Variants in PPP3CA observed in about 807,000 individuals in gnomAD.
PPP3CA encodes the protein CAM-PRP catalytic subunit.
PPP3CA carries 14 observed loss-of-function variants against 66.5 expected under a neutral mutation model. The ratio of observed to expected loss-of-function variants is 0.21; its 90% CI spans 0.14 to 0.33. The LOEUF (loss-of-function observed/expected upper bound fraction) is 0.33, where lower values mean the gene tolerates loss of function less well. PPP3CA is among the 10% of genes least tolerant of loss of function. The pLI, the probability that PPP3CA is intolerant of heterozygous loss-of-function variation, is 1.00. For synonymous variants in PPP3CA, 232 were observed against 226.2 expected, an observed-to-expected ratio of 1.03 and a Z score of -0.23; for missense variants, 317 against 639.5, an observed-to-expected ratio of 0.50 and a Z score of 5.44.
At chr4:101,152,302 T>G (rs1405342373) in intron 2 of PPP3CA, among the ~76,000 whole-genome samples, 1 of 152,200 alleles carries the variant, frequency 6.6e-6, no homozygotes, top group Non-Finnish European at 1.5e-5. Context: ...CATAAATCCT[T>G]ATGAAACTTG....
At chr4:101,057,588 C>CACACTA (rs1023819273) in intron 10 of PPP3CA, among the ~76,000 whole-genome samples, 1 of 152,050 alleles carries the variant, frequency 6.6e-6, no homozygotes, top group Non-Finnish European at 1.5e-5. Context: ...CAGACAATAC[C>CACACTA]ACACTAATGC....
At chr4:101,032,617 A>C (rs1727026174) in intron 11 of PPP3CA, among the ~76,000 whole-genome samples, 1 of 151,326 alleles carries the variant, frequency 6.6e-6, no homozygotes, top group Non-Finnish European at 1.5e-5. Flanking sequence ...TGAGTATCGA[A>C]GCTAGATAGA....
At chr4:101,192,159 A>C (rs946740264) in intron 2 of PPP3CA, among the ~76,000 whole-genome samples, 5 of 152,232 alleles carry the variant, frequency 3.3e-5, no homozygotes. Context: ...GTTTTCAAGA[A>C]GACTTTAAGA....
At chr4:101,120,018 T>G (rs1721975437) in intron 2 of PPP3CA, among the ~76,000 whole-genome samples, 1 of 152,138 alleles carries the variant, frequency 6.6e-6, no homozygotes, top group South Asian at 2.1e-4. Flanking sequence ...CAGACATATT[T>G]GAAAAGGTTC....
rs551376950 is a variant in PPP3CA at position 101,227,674 on chromosome 4, T to C, written c.59-31558A>G. On this transcript the variant is annotated intron_variant, in intron 1 of 13. Transcript: ENST00000394854. ...ACAGATTATGTCGTCATCCAGGTAATAAGCACAGTACCCAATAGGTAGTTT... is the reference window on the plus strand; with the variant it reads ...ACAGATTATGTCGTCATCCAGGTAACAAGCACAGTACCCAATAGGTAGTTT... Among the ~76,000 whole-genome samples, 167 of 151,738 alleles carry C rather than the reference T, an allele frequency of 1.1e-3. 3 individuals are homozygous for C. Among genetic ancestry groups the C allele is most frequent in the South Asian group, 2.3e-3 (11 of 4,820 alleles).
At position 101,203,529 on chromosome 4, in the gene PPP3CA, A is replaced by C. The variant is rs112667562; in HGVS notation, c.59-7413T>G. ...AACAAACAAACAAAATTATTCTTCA[A>C]CTATAAGGTATTAATAATTAATTAG... On this transcript the variant is annotated intron_variant, in intron 1 of 13. Coordinates refer to ENST00000394854, the MANE Select transcript of PPP3CA (RefSeq NM_000944.5). Among the ~76,000 whole-genome samples the C allele has an allele frequency of 3.5e-3, 539 of 152,210 alleles. 5 individuals are homozygous for C. Among genetic ancestry groups the C allele is most frequent in the African/African-American group, 0.012 (516 of 41,528 alleles).
At chr4:101,075,106 C>T (rs142633776) in intron 8 of PPP3CA, among the ~76,000 whole-genome samples, 12 of 152,278 alleles carry the variant, frequency 7.9e-5, no homozygotes, top group Non-Finnish European at 1.6e-4. Flanking sequence ...ATGGGGGAAA[C>T]CACTTCCATG....
intron 1 of PPP3CA, among the ~76,000 whole-genome samples, chr4:101,227,963 G>A (rs1725836586): frequency 6.6e-6 from 1 of 151,446 alleles, no homozygotes; most frequent in Non-Finnish European, 1.5e-5. Context: ...TCTTTATTCA[G>A]TCTACCAGTG....
At chr4:101,210,586 T>TG in intron 1 of PPP3CA, among the ~76,000 whole-genome samples, 1 of 152,160 alleles carries the variant, frequency 6.6e-6, no homozygotes, top group Non-Finnish European at 1.5e-5. Flanking sequence ...TTTACCTCCT[T>TG]GGCCACACAT....
intron 8 of PPP3CA, among the ~76,000 whole-genome samples, chr4:101,076,407 T>G (rs1186635136): frequency 1.3e-5 from 2 of 151,984 alleles, no homozygotes; most frequent in African/African-American, 4.8e-5. Context: ...AAGCCTCATG[T>G]GTCAAACTAA....
intron 3 of PPP3CA, among the ~76,000 whole-genome samples, chr4:101,099,941 C>G (rs1053742860): frequency 1.3e-5 from 2 of 151,664 alleles, no homozygotes; most frequent in Non-Finnish European, 2.9e-5. Context: ...CATACACGCA[C>G]TGAGGATCAT....
At chr4:101,279,188 C>CCA (rs138151648) in intron 1 of PPP3CA, among the ~76,000 whole-genome samples, 3,598 of 151,408 alleles carry the variant, frequency 0.024, 162 homozygotes, top group African/African-American at 0.081. Flanking sequence ...AAAAGGGTAG[C>CCA]CACACACACA....
At chr4:101,081,704 T>C (rs563615676) in intron 7 of PPP3CA, among the ~76,000 whole-genome samples, 2 of 152,338 alleles carry the variant, frequency 1.3e-5, no homozygotes, top group East Asian at 3.9e-4. Context: ...AACAGCCACC[T>C]TAACATTTAT....
chr4:101,287,761 CCT>C (rs948551518), intron 1 of PPP3CA, among the ~76,000 whole-genome samples: 10 of 130,148 alleles, frequency 7.7e-5, no homozygotes, highest in African/African-American at 2.2e-4. Flanking sequence ...GTTCTATTAA[CCT>C]CTCTTTTTTT....
chr4:101,256,213 G>T (rs1466385584), intron 1 of PPP3CA, among the ~76,000 whole-genome samples: 3 of 66,654 alleles, frequency 4.5e-5, no homozygotes, highest in African/African-American at 2.4e-4. Flanking sequence ...ATATTAGTTT[G>T]CTCTCTGAAT....
chr4:101,308,752 C>T (rs1158158578), intron 1 of PPP3CA, among the ~76,000 whole-genome samples: 2 of 152,212 alleles, frequency 1.3e-5, no homozygotes, highest in East Asian at 3.9e-4. Context: ...AAAGTGTTAG[C>T]CAAAATTCAT....
chr4:101,039,050 A>C, intron 11 of PPP3CA, among the ~76,000 whole-genome samples: 1 of 106,426 alleles, frequency 9.4e-6, no homozygotes, highest in Admixed American at 9.1e-5. Flanking sequence ...CACAATAAAT[A>C]AACAAGTGTT....
chr4:101,029,364 A>AAAAAAAAAAAAAAAAAAC (rs1726827485), intron 12 of PPP3CA, among the ~76,000 whole-genome samples, 169 bp from the exon 13 acceptor site: 1 of 104,274 alleles, frequency 9.6e-6, no homozygotes, highest in Non-Finnish European at 2.3e-5. Context: ...AAAAAAAAAA[A>AAAAAAAAAAAAAAAAAAC]AAAAAAAAGA....
intron 1 of PPP3CA, among the ~76,000 whole-genome samples, chr4:101,282,692 C>T (rs981946331): frequency 1.3e-5 from 2 of 152,114 alleles, no homozygotes; most frequent in Admixed American, 6.5e-5. Flanking sequence ...CATGTGGCTG[C>T]TTAAACACCC....
Sources: gnomAD v4.1 joint callset for allele counts (sites outside exome capture counted in the v4.1 genomes callset) on GRCh38, gnomAD v4.1.1 for gene constraint, MANE v1.5 for transcripts, NCBI Gene and HGNC (gene_info 2026-07-23, HGNC 2026-07-21) for gene names.